The following STRBP variants were observed in gnomAD, a reference collection of about 807,000 sequenced individuals.
The protein encoded by STRBP is spermatid perinuclear RNA binding protein.
Under a neutral mutation model 80.1 loss-of-function variants are expected in STRBP, and 13 were observed. The observed-to-expected ratio is 0.16, with a 90% confidence interval of 0.11 to 0.26. The LOEUF is 0.26. Ranked by LOEUF, STRBP falls within the 10% of genes least tolerant of loss-of-function variation. The probability of loss-of-function intolerance (pLI) is 1.00; values close to 1 mark genes in which losing one functional copy is unlikely to be tolerated. For synonymous variants in STRBP, 284 were observed against 291.2 expected (o/e 0.98, Z 0.25); for missense variants, 485 against 815.2 (o/e 0.59, Z 4.93).
At chr9:123,261,092 T>C (rs907734144) in intron 1 of STRBP, among the ~76,000 whole-genome samples, 6 of 152,194 alleles carry the variant, frequency 3.9e-5, no homozygotes, top group Non-Finnish European at 5.9e-5. Context: ...CTAAATCTTA[T>C]AGTACCAATA....
chr9:123,160,503 C>A lies in STRBP; in HGVS notation c.628-41G>T, dbSNP rs1259912307. 3 of 1,487,086 alleles carry A rather than the reference C, an allele frequency of 2.0e-6. No individual in the cohort carries two copies. The South Asian group carries it at 4.1e-5, about 20-fold the overall frequency. The allele number at this position is 1,487,086 out of a possible 1,614,324, so 92.1% of individuals were successfully genotyped here. ...TGATTCCAGATATCCCTATTGAGAT[C>A]TATTCTTCATTTTGGGCAAGTTCTT... On this transcript the variant is annotated intron_variant, in intron 7 of 18. Coordinates refer to ENST00000348403, the MANE Select transcript of STRBP (RefSeq NM_018387.5).
chr9:123,252,222 G>A (rs919246176), intron 1 of STRBP, among the ~76,000 whole-genome samples: 4 of 152,138 alleles, frequency 2.6e-5, no homozygotes, highest in African/African-American at 4.8e-5. Context: ...TATTTGCACC[G>A]TGATGTTGGC....
intron 3 of STRBP, among the ~76,000 whole-genome samples, chr9:123,181,333 C>CCTAGTCCTGCACACCGCCACA (rs2038449137): frequency 6.6e-6 from 1 of 152,230 alleles, no homozygotes; most frequent in Admixed American, 6.5e-5. Context: ...GGCTCATGTA[C>CCTAGTCCTGCACACCGCCACA]TTGCTAAATT....
chr9:123,219,744 A>T (rs2040010960), intron 2 of STRBP, among the ~76,000 whole-genome samples: 2 of 152,200 alleles, frequency 1.3e-5, no homozygotes, highest in Admixed American at 1.3e-4. Context: ...GAAAGGGACA[A>T]GTTATCCAGA....
rs1405946953 is a variant in STRBP, at chr9:123,115,328, C to G, written c.*84+601G>C. 1 of 471,164 alleles carries G rather than the reference C, an allele frequency of 2.1e-6. No individual in the cohort carries two copies. Among genetic ancestry groups the G allele is most frequent in the South Asian group, 1.5e-5 (1 of 64,568 alleles). The allele number at this position is 471,164 out of a possible 1,614,324, so 29.2% of individuals were successfully genotyped here. ...ACTTCTCTCCTGAGGCCTGGCTCCT[C>G]TCCTGCCCTCGGCGGGAGACCTGGG... is the stretch of plus-strand genomic sequence containing the variant. On this transcript the variant is annotated intron_variant and NMD_transcript_variant, in intron 3 of 3. Coordinates refer to the STRBP transcript ENST00000471564. The surrounding 1 kb of genome is among the most constrained non-coding windows in gnomAD (Gnocchi z 5.0).
intron 2 of STRBP, among the ~76,000 whole-genome samples, chr9:123,202,096 T>C (rs1191897040): frequency 2.6e-5 from 4 of 152,238 alleles, no homozygotes; most frequent in African/African-American, 7.2e-5. Flanking sequence ...TTTTCCACTT[T>C]TCTGAGTTTA....
At chr9:123,250,697 C>T (rs779362469) in intron 1 of STRBP, among the ~76,000 whole-genome samples, 2 of 152,190 alleles carry the variant, frequency 1.3e-5, no homozygotes, top group Admixed American at 1.3e-4. Context: ...GTTTTGCACT[C>T]ATTTTGCAAT....
intron 2 of STRBP, among the ~76,000 whole-genome samples, chr9:123,227,014 T>C (rs1436372950): frequency 2.0e-5 from 3 of 152,190 alleles, no homozygotes; most frequent in Non-Finnish European, 4.4e-5. Flanking sequence ...CAAGTTCTTT[T>C]ATAATCAGCA....
At chr9:123,201,553 ACTT>A (rs1295448750) in intron 2 of STRBP, among the ~76,000 whole-genome samples, 1 of 152,170 alleles carries the variant, frequency 6.6e-6, no homozygotes, top group African/African-American at 2.4e-5. Context: ...CCAGAACAGT[ACTT>A]CTTTGACTAG....
At chr9:123,128,333 C>A (rs1165372820) in intron 17 of STRBP, 75 bp from the exon 18 acceptor site, 48 of 1,550,338 alleles carry the variant, frequency 3.1e-5, no homozygotes, top group Admixed American at 5.0e-5. Context: ...ACAAGCACCA[C>A]CTGCTCAGCA....
Position 123,126,817 on chromosome 9 carries a change from A to G in STRBP, c.1943-1144T>C, listed in dbSNP as rs1202443947. ...AGCCAAAATGTACTTGGATAAATGGACCAGACCTAAGTCACAGAGAGGATG... is the reference window on the plus strand; with the variant it reads ...AGCCAAAATGTACTTGGATAAATGGGCCAGACCTAAGTCACAGAGAGGATG... On this transcript the variant is annotated intron_variant, in intron 18 of 18. Coordinates refer to ENST00000348403, the MANE Select transcript of STRBP (RefSeq NM_018387.5). This position sits in a 1 kb window ranked among gnomAD's most constrained non-coding sequence, Gnocchi z 4.4. Among the ~76,000 whole-genome samples the G allele has an allele frequency of 6.6e-6, 1 of 152,220 alleles. No homozygotes were observed. The highest frequency in any genetic ancestry group is 2.4e-5 in the African/African-American group (1 of 41,442).
chr9:123,113,750 C>CT (rs2035603951), intron 3 of STRBP: 1 of 167,142 alleles, frequency 6.0e-6, no homozygotes, highest in Admixed American at 6.5e-5. Context: ...TCTCTATAGT[C>CT]TAAGGGGTTG....
At chr9:123,139,479 C>G in intron 14 of STRBP, 50 bp downstream of exon 14, 1 of 1,413,344 alleles carries the variant, frequency 7.1e-7, no homozygotes, top group Non-Finnish European at 9.3e-7. Flanking sequence ...CTCAAATTTC[C>G]TACAATGCAC....
At chr9:123,253,198 GA>G (rs2040953038) in intron 1 of STRBP, among the ~76,000 whole-genome samples, 1 of 152,010 alleles carries the variant, frequency 6.6e-6, no homozygotes, top group Non-Finnish European at 1.5e-5. Context: ...TAAAAGAGAA[GA>G]AAAAAAGAAA....
chr9:123,249,493 T>A (rs1044976537), intron 1 of STRBP, among the ~76,000 whole-genome samples: 52 of 151,878 alleles, frequency 3.4e-4, no homozygotes, highest in African/African-American at 1.2e-3. Flanking sequence ...ATTAAAAAAC[T>A]AGCTGGGCAT....
chr9:123,150,397 T>G (rs1247212918), intron 11 of STRBP, among the ~76,000 whole-genome samples: 21 of 152,000 alleles, frequency 1.4e-4, no homozygotes, highest in Admixed American at 1.4e-3. Flanking sequence ...ATGAAGAATT[T>G]TAAAATCAAG....
At chr9:123,233,160 T>C (rs563340724) in intron 2 of STRBP, among the ~76,000 whole-genome samples, 4 of 152,328 alleles carry the variant, frequency 2.6e-5, no homozygotes, top group Admixed American at 6.5e-5. Context: ...GGCAGCCTAG[T>C]ACTCCTGGGC....
chr9:123,249,485 T>C (rs915896476), intron 1 of STRBP, among the ~76,000 whole-genome samples: 2 of 151,432 alleles, frequency 1.3e-5, no homozygotes, highest in Non-Finnish European at 2.9e-5. Flanking sequence ...ACAAAAAAAT[T>C]AAAAAACTAG....
At chr9:123,146,718 C>G (rs985545104) in intron 13 of STRBP, 137 bp downstream of exon 13, 38 of 765,942 alleles carry the variant, frequency 5.0e-5, no homozygotes, top group Middle Eastern at 8.6e-4. Flanking sequence ...ACTTTGTTAT[C>G]CAGAAGTAAC....
Sources: allele counts gnomAD v4.1 joint callset (sites outside exome capture counted in the v4.1 genomes callset), GRCh38; gene constraint gnomAD v4.1.1; non-coding constraint Gnocchi (gnomAD v3.1); transcripts MANE v1.5; gene names NCBI Gene and HGNC (gene_info 2026-07-23, HGNC 2026-07-21).